ZBTB41: variants seen among roughly 807,000 people sequenced by gnomAD.
The protein encoded by ZBTB41 is zinc finger and BTB domain containing 41, also known as zinc finger and BTB domain-containing protein 41.
A neutral mutation model predicts 87.6 loss-of-function variants in ZBTB41; 42 were observed. The ratio of observed to expected loss-of-function variants is 0.48; its 90% confidence interval spans 0.37 to 0.62. ZBTB41 has a LOEUF of 0.62. ZBTB41 is among the 20% of genes least tolerant of loss of function. ZBTB41 has a pLI of 0.00. For missense variants in ZBTB41, 799 were observed against 1,078.9 expected (o/e 0.74, Z 3.63); for synonymous variants, 364 against 364.0 (o/e 1.00, Z 0.00).
At chr1:197,170,119 C>T (rs886821252) in intron 10 of ZBTB41, among the ~76,000 whole-genome samples, 2 of 151,946 alleles carry the variant, frequency 1.3e-5, no homozygotes, top group South Asian at 2.1e-4. Flanking sequence ...GAAACAAACA[C>T]ATTTTATTGT....
chr1:197,178,294 C>T lies in ZBTB41; in HGVS notation c.1772+123G>A, dbSNP rs1311280703. ...AAAAATCTATGCAGTAAAGTTTTTG[C>T]ACAACTTTGCATATCATAAGGACTA... On this transcript the variant is annotated intron_variant, in intron 7 of 10. Coordinates refer to ENST00000367405, the MANE Select transcript of ZBTB41 (RefSeq NM_194314.3). 1.1e-5 allele frequency: 6 copies of T among 543,352 alleles called. No homozygotes were observed. The East Asian group carries it at 2.1e-4, about 19-fold the overall frequency. The allele number at this position is 543,352 out of a possible 1,614,324, so 33.7% of individuals were successfully genotyped here.
chr1:197,164,976 T>TAG (rs1659300997), intron 10 of ZBTB41, among the ~76,000 whole-genome samples: 2 of 105,536 alleles, frequency 1.9e-5, no homozygotes, highest in Non-Finnish European at 2.1e-5. Context: ...TTATATATAT[T>TAG]ATATATAATA....
intron 9 of ZBTB41, among the ~76,000 whole-genome samples, chr1:197,173,773 T>TA (rs894943097): frequency 2.0e-5 from 3 of 152,082 alleles, no homozygotes; most frequent in African/African-American, 7.2e-5. Flanking sequence ...TAAACAGAGA[T>TA]ACAAACAGGG....
intron 2 of ZBTB41, among the ~76,000 whole-genome samples, chr1:197,195,633 G>A (rs1000412567): frequency 6.6e-6 from 1 of 152,038 alleles, no homozygotes; most frequent in Non-Finnish European, 1.5e-5. Context: ...TCTACCTCTA[G>A]AAGAGATTGT....
chr1:197,165,932 C>T (rs1055598793), intron 10 of ZBTB41, among the ~76,000 whole-genome samples: 4 of 152,062 alleles, frequency 2.6e-5, no homozygotes, highest in African/African-American at 9.7e-5. Context: ...ACAGTGGGTG[C>T]AGCCCATGGG....
intron 10 of ZBTB41, among the ~76,000 whole-genome samples, chr1:197,166,830 G>A (rs1437982081): frequency 6.6e-6 from 1 of 152,190 alleles, no homozygotes; most frequent in Non-Finnish European, 1.5e-5. Context: ...GTGGGCGACA[G>A]AGTGAGACTC....
At position 197,175,114 on chromosome 1, in the gene ZBTB41, A is replaced by G; in HGVS notation, c.1881T>C (p.Gly627=). 4 of 1,608,848 alleles carry G rather than the reference A, an allele frequency of 2.5e-6. No individual in the cohort carries two copies. Among genetic ancestry groups the G allele is most frequent in the Admixed American group, 1.7e-5 (1 of 59,358 alleles). The change falls in exon 9 of 11, where the codon GGT becomes GGC. Residue 627 remains glycine (G), a splice_region_variant and synonymous_variant. Transcript: ENST00000367405. ...HLTKHKKIHS[G]EKAHQCEECG... ...ATTCTTCACACTGATGAGCTTTTTC[A>G]CCTTAAAATAAAGACCCAAATATTT... is the stretch of plus-strand genomic sequence containing the variant.
At chr1:197,173,109 T>C (rs1198867967) in intron 9 of ZBTB41, among the ~76,000 whole-genome samples, 1 of 152,062 alleles carries the variant, frequency 6.6e-6, no homozygotes, top group East Asian at 1.9e-4. Context: ...TAAGTGGCAG[T>C]TATTGAGAAA....
In ZBTB41 at chr1:197,199,046, C is replaced by T. The variant is rs115273101; in HGVS notation, c.1120+308G>A. ...AATAGTATTTATCACTGGAATTAAACCGGCATATAAATCAAAGCTCTACAT... is the reference window on the plus strand; with the variant it reads ...AATAGTATTTATCACTGGAATTAAATCGGCATATAAATCAAAGCTCTACAT... On this transcript the variant is annotated intron_variant, in intron 2 of 10. Coordinates refer to ENST00000367405, the MANE Select transcript of ZBTB41 (RefSeq NM_194314.3). Among the ~76,000 whole-genome samples, 1,048 of 152,158 alleles carry T rather than the reference C, an allele frequency of 6.9e-3. 10 individuals are homozygous for T. The highest frequency in any genetic ancestry group is 0.023 in the African/African-American group (953 of 41,512).
intron 1 of ZBTB41, among the ~76,000 whole-genome samples, chr1:197,200,924 G>C (rs948806782): frequency 8.5e-5 from 13 of 152,304 alleles, no homozygotes; most frequent in Admixed American, 7.2e-4. Flanking sequence ...TAGGGGTGCT[G>C]GGATGGTGAC....
At position 197,188,413 on chromosome 1, in the gene ZBTB41, T is replaced by C; in HGVS notation, c.1425A>G (p.Arg475=). Residue 475 remains arginine, a synonymous_variant, in exon 5 of 11, where the codon AGA becomes AGG. Transcript: ENST00000367405. ...CDICKKSFTR[R]PHLEEHMILH... ...GAATCATATGTTCCTCCAAGTGTGG[T>C]CTTCGAGTAAAAGATTTCTTACAAA... The C allele has an allele frequency of 6.2e-7, 1 of 1,607,834 alleles. No individual in the cohort carries two copies. Among genetic ancestry groups the C allele is most frequent in the South Asian group, 1.1e-5 (1 of 89,488 alleles).
intron 10 of ZBTB41, among the ~76,000 whole-genome samples, chr1:197,171,557 T>C (rs1342623659): frequency 6.6e-6 from 1 of 152,038 alleles, no homozygotes; most frequent in African/African-American, 2.4e-5. Context: ...TCAGACAATA[T>C]ATAAGAAAGA....
chr1:197,180,118 T>C (rs930882172), intron 6 of ZBTB41, among the ~76,000 whole-genome samples: 115 of 152,140 alleles, frequency 7.6e-4, no homozygotes, highest in Admixed American at 5.9e-4. Flanking sequence ...ATATATTCTT[T>C]TTTATATTTT....
At chr1:197,198,330 G>C (rs1406057675) in intron 2 of ZBTB41, among the ~76,000 whole-genome samples, 1 of 152,136 alleles carries the variant, frequency 6.6e-6, no homozygotes, top group Non-Finnish European at 1.5e-5. Context: ...CCACTGTTAT[G>C]TCAGCGTATA....
intron 7 of ZBTB41, among the ~76,000 whole-genome samples, chr1:197,178,001 A>G (rs1054589433): frequency 1.3e-5 from 2 of 152,046 alleles, no homozygotes; most frequent in Non-Finnish European, 2.9e-5. Context: ...AAATAACTAA[A>G]TAAGTTATAA....
chr1:197,170,315 A>T (rs1312056414), intron 10 of ZBTB41, among the ~76,000 whole-genome samples: 1 of 152,000 alleles, frequency 6.6e-6, no homozygotes, highest in African/African-American at 2.4e-5. Flanking sequence ...CTATGAGGGT[A>T]AGGATGGTTC....
intron 10 of ZBTB41, among the ~76,000 whole-genome samples, chr1:197,170,309 G>C (rs1364682255): frequency 6.6e-6 from 1 of 151,692 alleles, no homozygotes; most frequent in Non-Finnish European, 1.5e-5. Flanking sequence ...CACCTGCTAT[G>C]AGGGTAAGGA....
intron 10 of ZBTB41, among the ~76,000 whole-genome samples, chr1:197,167,706 C>A (rs1199557657): frequency 6.6e-6 from 1 of 152,116 alleles, no homozygotes; most frequent in Non-Finnish European, 1.5e-5. Context: ...AACAACTATT[C>A]ATGACAAAAA....
intron 10 of ZBTB41, among the ~76,000 whole-genome samples, chr1:197,167,791 T>C (rs1659385515): frequency 6.6e-6 from 1 of 152,184 alleles, no homozygotes; most frequent in African/African-American, 2.4e-5. Context: ...TCATACTTAA[T>C]TGTGAATTAT....
Sources: gnomAD v4.1 joint callset for allele counts (sites outside exome capture counted in the v4.1 genomes callset) on GRCh38, gnomAD v4.1.1 for gene constraint, MANE v1.5 for transcripts, NCBI Gene and HGNC (gene_info 2026-07-23, HGNC 2026-07-21) for gene names.